The following OR51B5 variants were observed in gnomAD, a reference collection of about 807,000 sequenced individuals.
The protein encoded by OR51B5 is olfactory receptor 51B5.
For missense variants in OR51B5, 456 were observed against 374.6 expected, an observed-to-expected ratio of 1.22 and a Z score of -1.79; for synonymous variants, 186 against 144.8, an observed-to-expected ratio of 1.28 and a Z score of -2.04.
chr11:5,502,502 A>G (rs1339163157), intron 1 of OR51B5, among the ~76,000 whole-genome samples: 2 of 152,190 alleles, frequency 1.3e-5, no homozygotes. Flanking sequence ...AGATTCTATC[A>G]TTCTAAAAAT....
At chr11:5,497,845 G>A (rs978449763) in intron 1 of OR51B5, among the ~76,000 whole-genome samples, 1 of 152,170 alleles carries the variant, frequency 6.6e-6, no homozygotes, top group Non-Finnish European at 1.5e-5. Context: ...TTAGCAGAGA[G>A]GCTCTTAACT....
intron 1 of OR51B5, among the ~76,000 whole-genome samples, chr11:5,461,182 C>A (rs1283106144): frequency 6.6e-6 from 1 of 152,178 alleles, no homozygotes; most frequent in Non-Finnish European, 1.5e-5. Flanking sequence ...AATGGGATGA[C>A]TGGGGTCCCC....
intron 1 of OR51B5, chr11:5,454,413 C>A: frequency 6.2e-7 from 1 of 1,606,204 alleles, no homozygotes; most frequent in South Asian, 1.1e-5. Context: ...CATGTTTCAC[C>A]ACATCAAAAT....
chr11:5,420,130 C>T (rs1179457945), intron 1 of OR51B5, among the ~76,000 whole-genome samples: 1 of 151,788 alleles, frequency 6.6e-6, no homozygotes, highest in Non-Finnish European at 1.5e-5. Context: ...AGTCTATTTT[C>T]ATTAAAAGGT....
chr11:5,430,215 GATA>G (rs1850514994), intron 1 of OR51B5, among the ~76,000 whole-genome samples: 1 of 151,196 alleles, frequency 6.6e-6, no homozygotes, highest in Non-Finnish European at 1.5e-5. Flanking sequence ...ATGTTCCTAG[GATA>G]ATATTTTTTT....
At chr11:5,495,040 G>C (rs916926957) in intron 1 of OR51B5, among the ~76,000 whole-genome samples, 7 of 152,152 alleles carry the variant, frequency 4.6e-5, no homozygotes. Context: ...GTTTCCAGCT[G>C]CTATCCCCCT....
intron 1 of OR51B5, among the ~76,000 whole-genome samples, chr11:5,383,301 T>C (rs543467368): frequency 1.3e-5 from 2 of 152,230 alleles, no homozygotes; most frequent in South Asian, 2.1e-4. Context: ...TCCAAAGATA[T>C]AGAGGCTGGC....
chr11:5,352,368 A>ATTT, intron 1 of OR51B5: 1 of 1,613,734 alleles, frequency 6.2e-7, no homozygotes, highest in Admixed American at 1.7e-5. Context: ...TTATGAACCC[A>ATTT]TTTATCTATA....
At chr11:5,440,439 ATTATT>A in intron 1 of OR51B5, 2 of 612,516 alleles carry the variant, frequency 3.3e-6, no homozygotes, top group Non-Finnish European at 5.7e-6. Context: ...ATAGTCAAAT[ATTATT>A]TTATTAGTGA....
intron 1 of OR51B5, among the ~76,000 whole-genome samples, chr11:5,400,057 C>T (rs1849943790): frequency 6.6e-6 from 1 of 152,126 alleles, no homozygotes; most frequent in African/African-American, 2.4e-5. Flanking sequence ...GAGGAAGGAA[C>T]ATAAGGGCAT....
intron 1 of OR51B5, among the ~76,000 whole-genome samples, chr11:5,386,013 A>T (rs1441538227): frequency 6.6e-6 from 1 of 151,520 alleles, no homozygotes; most frequent in Admixed American, 6.6e-5. Context: ...TTACACCTTA[A>T]TAGTACATTA....
intron 1 of OR51B5, among the ~76,000 whole-genome samples, chr11:5,460,411 C>T (rs1469480282): frequency 2.0e-5 from 3 of 152,166 alleles, no homozygotes; most frequent in Non-Finnish European, 4.4e-5. Context: ...AAAAGAAATT[C>T]TTCTACTGAA....
At chr11:5,461,627 C>G (rs1009967795) in intron 1 of OR51B5, among the ~76,000 whole-genome samples, 2 of 152,190 alleles carry the variant, frequency 1.3e-5, no homozygotes, top group African/African-American at 4.8e-5. Flanking sequence ...CATGCCAAAC[C>G]CCTTGGGCCT....
rs1851127592 is a variant in OR51B5 at position 5,465,590 on chromosome 11, G to A, written n.84+39979C>T. Among the ~76,000 whole-genome samples, 3 of 147,638 alleles carry A rather than the reference G, an allele frequency of 2.0e-5. No homozygotes were observed. The South Asian group carries it at 6.7e-4, about 33-fold the overall frequency. ...AGGCTACAGTAACCAAAACAGCATG[G>A]TACTGGTACCAAAACAGAGATATAG... On this transcript the variant is annotated intron_variant and non_coding_transcript_variant, in intron 1 of 4. Transcript: ENST00000415970.
intron 1 of OR51B5, among the ~76,000 whole-genome samples, chr11:5,369,842 T>G (rs541974140): frequency 5.3e-5 from 8 of 152,312 alleles, no homozygotes; most frequent in African/African-American, 1.7e-4. Context: ...TTACAGTGAA[T>G]GTAGACTAAA....
In OR51B5 at chr11:5,422,423, C is replaced by G. The variant is rs1435147020; in HGVS notation, n.85-75513G>C. The G allele has an allele frequency of 2.5e-6, 4 of 1,614,150 alleles. No individual in the cohort carries two copies. The highest frequency in any genetic ancestry group is 2.2e-5 in the East Asian group (1 of 44,882). The stretch of plus-strand genomic sequence containing the variant: ...CATGCTGGCCCTGACGGACCTGGGT[C>G]TCACCCTCACCACCCTACCCACAGT... On this transcript the variant is annotated intron_variant and non_coding_transcript_variant, in intron 1 of 4. Coordinates refer to the OR51B5 transcript ENST00000415970.
intron 1 of OR51B5, among the ~76,000 whole-genome samples, chr11:5,439,085 TCTCTCTCTCTCGTC>T (rs1374647138): frequency 1.4e-5 from 2 of 147,378 alleles, no homozygotes; most frequent in Non-Finnish European, 3.0e-5. Flanking sequence ...AACTGTTCTT[TCTCTCTCTCTCGTC>T]CTCTCTCTCT....
At position 5,358,945 on chromosome 11, in the gene OR51B5, C is replaced by G. The variant is rs917979539; in HGVS notation, n.85-12035G>C. 2.6e-4 allele frequency among the ~76,000 whole-genome samples: 39 copies of G among 150,792 alleles called. No individual in the cohort carries two copies. In the East Asian group the frequency reaches 4.9e-3, roughly 19 times the overall value. The stretch of plus-strand genomic sequence containing the variant: ...AAGGCCTTTGACAAAATTCAACAAC[C>G]CTTCATGCTAAAAACTCTCAATAAA... On this transcript the variant is annotated intron_variant and non_coding_transcript_variant, in intron 1 of 4. Coordinates refer to the OR51B5 transcript ENST00000415970.
At chr11:5,422,119 A>C in intron 1 of OR51B5, 1 of 1,115,406 alleles carries the variant, frequency 9.0e-7, no homozygotes. Flanking sequence ...ATTTGGATTA[A>C]ATGGGGCAAA....
Sources: gnomAD v4.1 joint callset for allele counts (sites outside exome capture counted in the v4.1 genomes callset) on GRCh38, gnomAD v4.1.1 for gene constraint, MANE v1.5 for transcripts, NCBI Gene and HGNC (gene_info 2026-07-23, HGNC 2026-07-21) for gene names.